The following C6 variants were observed in gnomAD, a reference collection of about 807,000 sequenced individuals.
C6 encodes the protein complement component C6.
A neutral mutation model predicts 112.9 loss-of-function variants in C6; 101 were observed. The observed-to-expected ratio is 0.89, with a 90% CI of 0.76 to 1.06. The LOEUF (loss-of-function observed/expected upper bound fraction) is 1.06. Ranked by LOEUF, C6 falls within the 50% of genes least tolerant of loss-of-function variation. The pLI is 0.00. For missense variants in C6, 1,202 were observed against 1,104.6 expected, an observed-to-expected ratio of 1.09 and a Z score of -1.25; for synonymous variants, 431 against 384.1, an observed-to-expected ratio of 1.12 and a Z score of -1.43.
At chr5:41,213,004 T>C (rs1250163495) in intron 1 of C6, 1 of 149,708 alleles carries the variant, frequency 6.7e-6, no homozygotes, top group African/African-American at 2.5e-5. Flanking sequence ...TTATTTCTTA[T>C]TATTTTTTTC....
intron 1 of C6, among the ~76,000 whole-genome samples, chr5:41,247,172 A>G (rs1741069422): frequency 6.6e-6 from 1 of 152,134 alleles, no homozygotes; most frequent in African/African-American, 2.4e-5. Flanking sequence ...CAATTCAAGG[A>G]AGTCCTAGCC....
intron 11 of C6, 114 bp downstream of exon 11, chr5:41,160,028 C>G (rs1341778420): frequency 2.4e-6 from 2 of 819,406 alleles, no homozygotes; most frequent in Non-Finnish European, 4.1e-6. Context: ...TCCCTCTGAG[C>G]CTGTACAAGG....
intron 1 of C6, among the ~76,000 whole-genome samples, chr5:41,222,709 C>A (rs73074048): frequency 6.6e-6 from 1 of 152,080 alleles, no homozygotes; most frequent in African/African-American, 2.4e-5. Flanking sequence ...CCTGCTCTTA[C>A]GAGTCAGGTA....
chr5:41,215,871 A>T (rs1752180019), upstream of C6, among the ~76,000 whole-genome samples: 1 of 152,168 alleles, frequency 6.6e-6, no homozygotes, highest in Non-Finnish European at 1.5e-5. Context: ...GGAAGCTGCT[A>T]TCTGAAGGCT....
chr5:41,201,368 G>A (rs887954469), intron 3 of C6, among the ~76,000 whole-genome samples, 190 bp downstream of exon 3: 50 of 152,114 alleles, frequency 3.3e-4, no homozygotes, highest in African/African-American at 1.2e-3. Flanking sequence ...TCTTAAGACA[G>A]TAAAATACAT....
At chr5:41,243,886 G>A (rs1740876812) in intron 1 of C6, among the ~76,000 whole-genome samples, 1 of 152,202 alleles carries the variant, frequency 6.6e-6, no homozygotes, top group African/African-American at 2.4e-5. Flanking sequence ...GTAACTCTGA[G>A]ATGTGTTCTA....
chr5:41,247,248 C>T (rs995193083), intron 1 of C6, among the ~76,000 whole-genome samples: 8 of 152,124 alleles, frequency 5.3e-5, no homozygotes, highest in African/African-American at 1.9e-4. Context: ...AGAAGTCAAA[C>T]TATCTCTCCT....
Position 41,181,447 on chromosome 5 carries a change from C to T in C6, c.839G>A (p.Ser280Asn), listed in dbSNP as rs1198526508. 4 of 1,613,730 alleles carry T rather than the reference C, an allele frequency of 2.5e-6. No homozygotes were observed. Among genetic ancestry groups the T allele is most frequent in the African/African-American group, 2.7e-5 (2 of 74,904 alleles). The change falls in exon 7 of 18, where the codon AGT becomes AAT. Residue 280 changes from serine to asparagine, a missense_variant. Coordinates refer to ENST00000337836, the MANE Select transcript of C6 (RefSeq NM_000065.5). ...CTTTGAGGAATAAAAAATTGGTACA[C>T]TGAAAGAGCTCCCCCCCTGACTTGA... ...SFSSQGGSSF[S>N]VPIFYSSKRS... is the part of the protein sequence containing the mutation.
chr5:41,161,645 C>A (rs780615517), intron 10 of C6, 48 bp downstream of exon 10: 22 of 1,481,196 alleles, frequency 1.5e-5, no homozygotes, highest in Non-Finnish European at 1.9e-5. Flanking sequence ...ATTTGGGCTG[C>A]TAGAGAACTA....
intron 17 of C6, among the ~76,000 whole-genome samples, chr5:41,147,135 T>C (rs994484603): frequency 5.3e-5 from 8 of 152,182 alleles, no homozygotes; most frequent in Non-Finnish European, 8.8e-5. Flanking sequence ...ATTTCTCAGA[T>C]AAAAAGTTGA....
chr5:41,152,370 C>A (rs1459428043), intron 15 of C6, among the ~76,000 whole-genome samples: 1 of 152,070 alleles, frequency 6.6e-6, no homozygotes, highest in Non-Finnish European at 1.5e-5. Context: ...CCTAGAGAAC[C>A]TGGACCTGAA....
At chr5:41,173,144 A>G (rs1171651611) in intron 8 of C6, among the ~76,000 whole-genome samples, 1 of 152,168 alleles carries the variant, frequency 6.6e-6, no homozygotes, top group Non-Finnish European at 1.5e-5. Context: ...TGGGAATGAT[A>G]TCTTCCTAGT....
intron 17 of C6, among the ~76,000 whole-genome samples, chr5:41,144,108 A>C (rs934043072): frequency 1.3e-5 from 2 of 152,140 alleles, no homozygotes; most frequent in African/African-American, 4.8e-5. Context: ...ACAAGACCCC[A>C]AAAGTGCTCC....
At chr5:41,147,912 C>T (rs939679070) in intron 17 of C6, among the ~76,000 whole-genome samples, 2 of 152,094 alleles carry the variant, frequency 1.3e-5, no homozygotes, top group Admixed American at 6.6e-5. Context: ...GAATGCTACT[C>T]CTTAAGTATT....
chr5:41,258,617 A>G (rs992194272), intron 1 of C6, among the ~76,000 whole-genome samples: 3 of 152,150 alleles, frequency 2.0e-5, no homozygotes, highest in African/African-American at 7.2e-5. Flanking sequence ...AGAGGGAAAG[A>G]CCTGTTGAAT....
chr5:41,169,466 T>C (rs1177042596), intron 9 of C6, among the ~76,000 whole-genome samples: 1 of 152,132 alleles, frequency 6.6e-6, no homozygotes, highest in South Asian at 2.1e-4. Flanking sequence ...AATTTTATAC[T>C]TTTTACCACT....
chr5:41,201,819 A>AC (rs1751057540), intron 2 of C6, 105 bp from the exon 3 acceptor site: 1 of 1,116,146 alleles, frequency 9.0e-7, no homozygotes, highest in Admixed American at 1.8e-5. Context: ...TAGAAAAGAA[A>AC]GAAAATTTTC....
intron 9 of C6, among the ~76,000 whole-genome samples, chr5:41,169,211 C>T (rs1387104758): frequency 1.3e-5 from 2 of 152,080 alleles, no homozygotes; most frequent in African/African-American, 4.8e-5. Context: ...GAGAAACATG[C>T]TAACAAAGGT....
At chr5:41,197,410 C>T (rs1035210402) in intron 4 of C6, among the ~76,000 whole-genome samples, 2 of 152,036 alleles carry the variant, frequency 1.3e-5, no homozygotes, top group African/African-American at 4.8e-5. Context: ...CAGGACAGAA[C>T]AGAATGGGCA....
Sources: allele counts gnomAD v4.1 joint callset (sites outside exome capture counted in the v4.1 genomes callset), GRCh38; gene constraint gnomAD v4.1.1; transcripts MANE v1.5; gene names NCBI Gene and HGNC (gene_info 2026-07-23, HGNC 2026-07-21).